The following EPHA6 variants were observed in gnomAD, a reference collection of about 807,000 sequenced individuals.
EPHA6 encodes ephrin type-A receptor 6.
EPHA6 carries 50 observed loss-of-function variants against 112.0 expected under a neutral mutation model. The observed-to-expected ratio is 0.45, with a 90% CI of 0.36 to 0.56. The LOEUF (loss-of-function observed/expected upper bound fraction) is 0.56, where lower values mean the gene tolerates loss of function less well. EPHA6 is among the 20% of genes least tolerant of loss of function. The probability of loss-of-function intolerance (pLI) is 0.00; values close to 1 mark genes in which losing one functional copy is unlikely to be tolerated. For missense variants in EPHA6, 1,280 were observed against 1,417.4 expected (o/e 0.90, Z 1.56); for synonymous variants, 529 against 490.7 (o/e 1.08, Z -1.03).
chr3:97,484,119 A>G, intron 10 of EPHA6, 60 bp downstream of exon 10: 2 of 1,488,068 alleles, frequency 1.3e-6, no homozygotes, highest in South Asian at 1.4e-5. Context: ...TAACTGGTTT[A>G]TCAACATACT....
intron 3 of EPHA6, among the ~76,000 whole-genome samples, chr3:97,081,944 C>G (rs2108201236): frequency 6.6e-6 from 1 of 151,274 alleles, no homozygotes. Context: ...GAAAATTTAT[C>G]CAAATATTAT....
intron 3 of EPHA6, among the ~76,000 whole-genome samples, chr3:96,990,921 GA>G (rs1230607280): frequency 1.3e-5 from 2 of 151,764 alleles, no homozygotes; most frequent in Non-Finnish European, 2.9e-5. Context: ...TATATAATAG[GA>G]AAAGAAAAAA....
chr3:96,837,042 G>C (rs1411989506), intron 1 of EPHA6, among the ~76,000 whole-genome samples: 1 of 152,086 alleles, frequency 6.6e-6, no homozygotes, highest in Admixed American at 6.6e-5. Flanking sequence ...CTATGTGAGG[G>C]CATCTAGACT....
intron 3 of EPHA6, among the ~76,000 whole-genome samples, chr3:97,196,719 T>C (rs1206023998): frequency 6.6e-6 from 1 of 151,916 alleles, no homozygotes; most frequent in African/African-American, 2.4e-5. Context: ...AATAATAGTG[T>C]GACTCTTTCA....
chr3:96,891,712 T>C, intron 2 of EPHA6, among the ~76,000 whole-genome samples: 1 of 152,014 alleles, frequency 6.6e-6, no homozygotes, highest in African/African-American at 2.4e-5. Flanking sequence ...TGTCTCAAAA[T>C]AAATAAATAA....
At chr3:96,876,957 T>C (rs2036995307) in intron 2 of EPHA6, among the ~76,000 whole-genome samples, 1 of 152,116 alleles carries the variant, frequency 6.6e-6, no homozygotes, top group South Asian at 2.1e-4. Context: ...AATGTCTATC[T>C]TTTACCAGAT....
At chr3:97,332,487 A>G (rs1034516560) in intron 5 of EPHA6, among the ~76,000 whole-genome samples, 2 of 152,186 alleles carry the variant, frequency 1.3e-5, no homozygotes, top group Non-Finnish European at 2.9e-5. Context: ...TGCAGATGAC[A>G]TGATTGTATA....
At chr3:97,317,629 G>GT (rs758460725) in intron 5 of EPHA6, among the ~76,000 whole-genome samples, 10 of 151,272 alleles carry the variant, frequency 6.6e-5, no homozygotes, top group East Asian at 2.0e-4. Flanking sequence ...TATGCATGGA[G>GT]TTTTTTTTTA....
rs2042853511 is a variant in EPHA6 at position 96,982,829 on chromosome 3, G to T, written c.451-4501G>T. ...TGTAATGGCCTTCTTTGTGTCTTTT[G>T]ATCTTTGTTTGTTTAAAGTCTGTTT... On this transcript the variant is annotated intron_variant, in intron 2 of 17. Transcript: ENST00000389672. Among the ~76,000 whole-genome samples the T allele has an allele frequency of 3.9e-5, 6 of 151,954 alleles. No individual in the cohort carries two copies. In the South Asian group the frequency reaches 1.2e-3, roughly 32 times the overall value.
chr3:96,860,909 A>G (rs938288711), intron 1 of EPHA6, among the ~76,000 whole-genome samples: 3 of 152,034 alleles, frequency 2.0e-5, no homozygotes, highest in African/African-American at 7.2e-5. Flanking sequence ...ATTTTCTTTT[A>G]CTCATTTTTA....
In EPHA6 at chr3:96,962,821, G is replaced by T. The variant is rs553041815; in HGVS notation, c.451-24509G>T. 5.9e-5 allele frequency among the ~76,000 whole-genome samples: 9 copies of T among 151,876 alleles called. No homozygotes were observed. The East Asian group carries it at 1.7e-3, about 29-fold the overall frequency. Reference sequence around the variant, plus strand: ...TTGATAGTAGTTTACCAAAGACAAAGGAATAGAAATTAGCTGAGTAAGAGA... The same window carrying T: ...TTGATAGTAGTTTACCAAAGACAAATGAATAGAAATTAGCTGAGTAAGAGA... On this transcript the variant is annotated intron_variant, in intron 2 of 17. Coordinates refer to ENST00000389672, the MANE Select transcript of EPHA6 (RefSeq NM_001080448.3).
chr3:97,489,702 G>T (rs942164712), intron 10 of EPHA6, among the ~76,000 whole-genome samples: 54 of 146,348 alleles, frequency 3.7e-4, no homozygotes, highest in African/African-American at 1.3e-3. Flanking sequence ...AAAAAAAAAA[G>T]AAACTCAAAA....
intron 9 of EPHA6, among the ~76,000 whole-genome samples, chr3:97,479,725 C>T (rs1327815561): frequency 6.6e-6 from 1 of 152,020 alleles, no homozygotes; most frequent in African/African-American, 2.4e-5. Flanking sequence ...AATCTTTATT[C>T]CTTCTTGTAG....
chr3:97,301,892 A>G (rs558965879), intron 5 of EPHA6, among the ~76,000 whole-genome samples: 1 of 152,230 alleles, frequency 6.6e-6, no homozygotes, highest in African/African-American at 2.4e-5. Context: ...AGCAACACAT[A>G]GCTTATTTTA....
intron 3 of EPHA6, among the ~76,000 whole-genome samples, chr3:97,118,622 C>CTAGG (rs1239854302): frequency 1.3e-5 from 2 of 151,924 alleles, no homozygotes; most frequent in East Asian, 3.9e-4. Flanking sequence ...TGAGGACCTA[C>CTAGG]TAGGATCCAT....
At chr3:97,467,810 A>G (rs2091104448) in intron 7 of EPHA6, among the ~76,000 whole-genome samples, 2 of 151,752 alleles carry the variant, frequency 1.3e-5, no homozygotes, top group South Asian at 4.1e-4. Context: ...GAAATTTGTT[A>G]TATGAAGGCT....
chr3:96,992,840 A>G (rs1233570410), intron 3 of EPHA6, among the ~76,000 whole-genome samples: 2 of 151,982 alleles, frequency 1.3e-5, no homozygotes, highest in East Asian at 3.9e-4. Flanking sequence ...ATGAAATTGT[A>G]TTTATTCTTC....
At chr3:97,739,793 A>T (rs987443133) in intron 16 of EPHA6, among the ~76,000 whole-genome samples, 1 of 152,174 alleles carries the variant, frequency 6.6e-6, no homozygotes, top group African/African-American at 2.4e-5. Context: ...TCCAACTAAC[A>T]GTAAAAAACT....
At chr3:97,549,467 A>G (rs909949943) in intron 11 of EPHA6, among the ~76,000 whole-genome samples, 4 of 152,154 alleles carry the variant, frequency 2.6e-5, no homozygotes, top group Non-Finnish European at 5.9e-5. Context: ...ATAAGAACAA[A>G]ATGTCAGAAT....
Sources: gnomAD v4.1 joint callset for allele counts (sites outside exome capture counted in the v4.1 genomes callset) on GRCh38, gnomAD v4.1.1 for gene constraint, MANE v1.5 for transcripts, NCBI Gene and HGNC (gene_info 2026-07-23, HGNC 2026-07-21) for gene names.